Variants in TAF3 observed in about 807,000 individuals in gnomAD.
TAF3 encodes the protein transcription initiation factor TFIID subunit 3.
Under a neutral mutation model 80.6 loss-of-function variants are expected in TAF3, and 7 were observed. The observed-to-expected ratio is 0.09, with a 90% confidence interval of 0.05 to 0.16. TAF3 has a LOEUF of 0.16. TAF3 is among the 10% of genes least tolerant of loss of function. The pLI is 1.00. For missense variants in TAF3, 921 were observed against 1,140.2 expected (o/e 0.81, Z 2.77); for synonymous variants, 444 against 446.1 (o/e 1.00, Z 0.06).
At chr10:7,925,484 A>G (rs1837805675) in intron 2 of TAF3, among the ~76,000 whole-genome samples, 1 of 152,218 alleles carries the variant, frequency 6.6e-6, no homozygotes, top group South Asian at 2.1e-4. Context: ...ATTATTTATA[A>G]CAAACTTACA....
intron 2 of TAF3, among the ~76,000 whole-genome samples, chr10:7,911,250 C>G (rs1420370540): frequency 6.6e-6 from 1 of 152,152 alleles, no homozygotes; most frequent in East Asian, 1.9e-4. Flanking sequence ...AGTATTCAAA[C>G]CCATGAGGCA....
intron 2 of TAF3, among the ~76,000 whole-genome samples, chr10:7,926,154 A>C (rs1837813863): frequency 6.6e-6 from 1 of 152,218 alleles, no homozygotes; most frequent in South Asian, 2.1e-4. Context: ...TGACTGAGAA[A>C]GGGTAAATTA....
intron 2 of TAF3, among the ~76,000 whole-genome samples, chr10:7,842,026 A>G (rs893117862): frequency 2.6e-5 from 4 of 152,016 alleles, no homozygotes; most frequent in South Asian, 4.2e-4. Flanking sequence ...ATGACTGCCT[A>G]TGTTGGCCAG....
intron 2 of TAF3, among the ~76,000 whole-genome samples, chr10:7,939,577 TACACAC>T (rs71385681): frequency 0.29 from 40,817 of 139,112 alleles, 6,436 homozygotes; most frequent in Admixed American, 0.43. Context: ...AGAAGAAAAC[TACACAC>T]ACACACACAC....
chr10:7,832,665 C>T (rs1211498551), intron 2 of TAF3, among the ~76,000 whole-genome samples: 1 of 151,988 alleles, frequency 6.6e-6, no homozygotes, highest in Non-Finnish European at 1.5e-5. Context: ...TTCTTGTGCC[C>T]CACCCTCCCC....
intron 2 of TAF3, among the ~76,000 whole-genome samples, chr10:7,856,834 G>A (rs533824251): frequency 7.0e-6 from 1 of 142,466 alleles, no homozygotes; most frequent in East Asian, 2.0e-4. Flanking sequence ...CTGGTGCTCT[G>A]GTAAATGTTT....
intron 2 of TAF3, among the ~76,000 whole-genome samples, chr10:7,923,478 CCA>C (rs910544285): frequency 3.3e-5 from 5 of 151,912 alleles, no homozygotes; most frequent in African/African-American, 1.2e-4. Context: ...TTTTATTCTT[CCA>C]GTATGTGCCA....
At chr10:7,950,998 G>A (rs1229062072) in intron 2 of TAF3, among the ~76,000 whole-genome samples, 1 of 152,234 alleles carries the variant, frequency 6.6e-6, no homozygotes, top group Non-Finnish European at 1.5e-5. Context: ...GGAGTTCAAT[G>A]TTAATGCATC....
At chr10:7,966,206 C>G (rs1831569846) in intron 3 of TAF3, among the ~76,000 whole-genome samples, 1 of 152,186 alleles carries the variant, frequency 6.6e-6, no homozygotes, top group African/African-American at 2.4e-5. Context: ...CCTTGGTTTT[C>G]TTTTTGGTGC....
Position 7,864,465 on chromosome 10 carries a change from T to TA in TAF3, c.409+39912dup, listed in dbSNP as rs200457802. Among the ~76,000 whole-genome samples the TA allele has an allele frequency of 5.7e-3, 875 of 152,252 alleles. 14 individuals are homozygous for TA. The highest frequency in any genetic ancestry group is 0.02 in the African/African-American group (841 of 41,558). On this transcript the variant is annotated intron_variant, in intron 2 of 6. Coordinates refer to ENST00000344293, the MANE Select transcript of TAF3 (RefSeq NM_031923.4). ...CACTTAACATCCACTCTCTACATTT[T>TA]AAAAAAATACTACAGTATATTATTC...
intron 2 of TAF3, among the ~76,000 whole-genome samples, chr10:7,891,786 T>C (rs1357820759): frequency 6.6e-6 from 1 of 152,218 alleles, no homozygotes; most frequent in Non-Finnish European, 1.5e-5. Flanking sequence ...TCTTCTCTCC[T>C]CTGGGATTGT....
chr10:7,915,524 T>C (rs1268380843), intron 2 of TAF3, among the ~76,000 whole-genome samples: 1 of 150,838 alleles, frequency 6.6e-6, no homozygotes, highest in Non-Finnish European at 1.5e-5. Context: ...GCGCCCGTAG[T>C]CCCAGCTACT....
chr10:7,962,475 T>A (rs766001908), intron 2 of TAF3, among the ~76,000 whole-genome samples: 45 of 152,228 alleles, frequency 3.0e-4, no homozygotes, highest in Non-Finnish European at 5.1e-4. Flanking sequence ...ATAAAGATTA[T>A]GTTTCTTTTT....
chr10:7,913,624 C>A (rs939914677), intron 2 of TAF3, among the ~76,000 whole-genome samples: 1 of 152,158 alleles, frequency 6.6e-6, no homozygotes, highest in African/African-American at 2.4e-5. Context: ...TCCTTTGTTC[C>A]CCAGTAGTCC....
Position 7,942,245 on chromosome 10 carries a change from C to T in TAF3, c.410-21675C>T, listed in dbSNP as rs376585843. ...TAAATTGCGTTTTGTCGATTTCAGT[C>T]GAGCTTCCCATATAGAATGAGTATA... On this transcript the variant is annotated intron_variant, in intron 2 of 6. Transcript: ENST00000344293. Among the ~76,000 whole-genome samples, 228 of 152,236 alleles carry T rather than the reference C, an allele frequency of 1.5e-3. 1 individual carries two copies. The highest frequency in any genetic ancestry group is 5.3e-3 in the African/African-American group (220 of 41,540).
intron 2 of TAF3, among the ~76,000 whole-genome samples, chr10:7,877,070 A>G (rs72782734): frequency 0.025 from 3,472 of 138,760 alleles, 78 homozygotes; most frequent in Non-Finnish European, 0.04. Flanking sequence ...TCTGAGGTTT[A>G]TTTTTTACGC....
intron 2 of TAF3, among the ~76,000 whole-genome samples, chr10:7,920,454 C>A (rs1379083371): frequency 6.6e-6 from 1 of 151,370 alleles, no homozygotes; most frequent in Admixed American, 6.6e-5. Flanking sequence ...TTATGCTTTG[C>A]ATTTTGTTCT....
At chr10:7,991,427 T>C (rs79928831) in intron 4 of TAF3, among the ~76,000 whole-genome samples, 2,366 of 152,342 alleles carry the variant, frequency 0.016, 32 homozygotes, top group South Asian at 0.052. Flanking sequence ...TTTCATCTTA[T>C]ATTTTACAGT....
intron 2 of TAF3, among the ~76,000 whole-genome samples, chr10:7,837,198 A>G (rs1836859386): frequency 1.3e-5 from 2 of 152,214 alleles, no homozygotes; most frequent in African/African-American, 2.4e-5. Context: ...TCCTGTCTCT[A>G]CTAAAAATAC....
Sources: gnomAD v4.1 joint callset for allele counts (sites outside exome capture counted in the v4.1 genomes callset) on GRCh38, gnomAD v4.1.1 for gene constraint, MANE v1.5 for transcripts, NCBI Gene and HGNC (gene_info 2026-07-23, HGNC 2026-07-21) for gene names.